POLR3B: variants seen among roughly 807,000 people sequenced by gnomAD.
POLR3B encodes RNA polymerase III subunit B.
Under a neutral mutation model 147.4 loss-of-function variants are expected in POLR3B, and 96 were observed. The ratio of observed to expected loss-of-function variants is 0.65; its 90% confidence interval spans 0.55 to 0.77. The LOEUF (loss-of-function observed/expected upper bound fraction) is 0.77, where lower values mean the gene tolerates loss of function less well. Among genes scored for constraint, POLR3B ranks in the 30% least tolerant of loss-of-function variants. The pLI is 0.00. For synonymous variants in POLR3B, 461 were observed against 485.9 expected, an observed-to-expected ratio of 0.95 and a Z score of 0.67; for missense variants, 1,036 against 1,413.5, an observed-to-expected ratio of 0.73 and a Z score of 4.28.
chr12:106,460,585 G>A (rs925011160), intron 22 of POLR3B, among the ~76,000 whole-genome samples: 12 of 152,302 alleles, frequency 7.9e-5, no homozygotes, highest in African/African-American at 2.9e-4. Context: ...CTGCTTAGGG[G>A]ATGGGTCCAG....
At position 106,357,748 on chromosome 12, in the gene POLR3B, G is replaced by A; in HGVS notation, c.-132G>A. Reference sequence around the variant, plus strand: ...GGAGCGGGCGGAACCTTTCTACCGCGTCTCTAGCTAACACGCACGGCGGGG... The same window carrying A: ...GGAGCGGGCGGAACCTTTCTACCGCATCTCTAGCTAACACGCACGGCGGGG... On this transcript the variant is annotated 5_prime_UTR_variant, in exon 1 of 28. Coordinates refer to ENST00000228347, the MANE Select transcript of POLR3B (RefSeq NM_018082.6). The A allele has an allele frequency of 2.2e-6, 2 of 917,480 alleles. No individual in the cohort carries two copies. Among genetic ancestry groups the A allele is most frequent in the Non-Finnish European group, 3.5e-6 (2 of 576,770 alleles). The allele number at this position is 917,480 out of a possible 1,614,324, so 56.8% of individuals were successfully genotyped here.
intron 12 of POLR3B, among the ~76,000 whole-genome samples, chr12:106,424,143 C>G (rs1325295817): frequency 6.6e-6 from 1 of 151,876 alleles, no homozygotes; most frequent in Non-Finnish European, 1.5e-5. Flanking sequence ...CGTGAGCCAC[C>G]GAGCCCAGCC....
At chr12:106,398,296 C>A (rs2037010018) in intron 10 of POLR3B, among the ~76,000 whole-genome samples, 1 of 152,224 alleles carries the variant, frequency 6.6e-6, no homozygotes, top group Admixed American at 6.5e-5. Context: ...GGGGCGCCCA[C>A]CATTGCCGAG....
chr12:106,358,352 A>ATCAG, intron 1 of POLR3B: 1 of 666,128 alleles, frequency 1.5e-6, no homozygotes, highest in Non-Finnish European at 2.0e-6. Flanking sequence ...CTGTGGGGGT[A>ATCAG]AAACCAGATC....
At chr12:106,439,917 A>G (rs2037626809) in intron 18 of POLR3B, among the ~76,000 whole-genome samples, 2 of 151,744 alleles carry the variant, frequency 1.3e-5, no homozygotes, top group Admixed American at 6.6e-5. Flanking sequence ...AAGTTAGCCA[A>G]GTGTTGTGGT....
intron 6 of POLR3B, among the ~76,000 whole-genome samples, chr12:106,372,333 G>GTTTTTT (rs61642813): frequency 4.0e-5 from 5 of 125,976 alleles, no homozygotes; most frequent in Non-Finnish European, 8.4e-5. Context: ...GTGTGTGTGT[G>GTTTTTT]TTTTTTTTTT....
chr12:106,409,922 T>C (rs1593025376), intron 11 of POLR3B, among the ~76,000 whole-genome samples: 1 of 152,294 alleles, frequency 6.6e-6, no homozygotes, highest in Admixed American at 6.5e-5. Flanking sequence ...AACAAACCAG[T>C]GCAATTATTT....
In POLR3B at chr12:106,396,936, T is replaced by TTTG. The variant is rs201704192; in HGVS notation, c.846+3806_846+3808dup. Reference sequence around the variant, plus strand: ...GTGAGACCCTGTTTCTACCAAAGGTTTTGTTGTTGTTGTTGTTGTTGTTGT... The same window carrying TTTG: ...GTGAGACCCTGTTTCTACCAAAGGTTTTGTTGTTGTTGTTGTTGTTGTTGTTGT... On this transcript the variant is annotated intron_variant, in intron 10 of 27. Transcript: ENST00000228347. Among the ~76,000 whole-genome samples, 367 of 151,396 alleles carry TTTG rather than the reference T, an allele frequency of 2.4e-3. 2 individuals carry two copies. The highest frequency in any genetic ancestry group is 1.7e-3 in the African/African-American group (71 of 41,304).
intron 10 of POLR3B, among the ~76,000 whole-genome samples, chr12:106,400,232 A>G (rs2136924882): frequency 6.6e-6 from 1 of 152,324 alleles, no homozygotes; most frequent in South Asian, 2.1e-4. Context: ...CAAAAGAGAC[A>G]AAGAAGGCCA....
chr12:106,358,150 G>A (rs2036415774), intron 1 of POLR3B, 199 bp downstream of exon 1: 9 of 1,453,922 alleles, frequency 6.2e-6, no homozygotes, highest in South Asian at 1.4e-5. Flanking sequence ...GCTGATCCCA[G>A]AGGAGCTGTC....
rs144327748 is a variant in POLR3B, at chr12:106,423,926, G to A, written c.1102-3271G>A. On this transcript the variant is annotated intron_variant, in intron 12 of 27. Transcript: ENST00000228347. ...GGCTAGAGTGCAGTGGCACAATCTC[G>A]GCTCATTGCAGCCTCCGCCTCCCGG... Among the ~76,000 whole-genome samples, 567 of 151,372 alleles carry A rather than the reference G, an allele frequency of 3.7e-3. 1 individual carries two copies. Among genetic ancestry groups the A allele is most frequent in the Non-Finnish European group, 6.5e-3 (439 of 67,864 alleles).
intron 10 of POLR3B, among the ~76,000 whole-genome samples, chr12:106,394,839 G>T (rs147818499): frequency 6.6e-6 from 1 of 152,208 alleles, no homozygotes; most frequent in Admixed American, 6.5e-5. Context: ...TACTCTGTGT[G>T]CAGGATTAAG....
chr12:106,358,115 C>T (rs2036414642), intron 1 of POLR3B, 164 bp downstream of exon 1: 14 of 1,493,494 alleles, frequency 9.4e-6, no homozygotes, highest in East Asian at 2.5e-5. Flanking sequence ...TTTTCCAGAG[C>T]CGGCCTCCGC....
At chr12:106,404,748 G>C (rs137995891) in intron 10 of POLR3B, among the ~76,000 whole-genome samples, 17 of 151,950 alleles carry the variant, frequency 1.1e-4, no homozygotes, top group African/African-American at 4.1e-4. Flanking sequence ...AACTTAGGAG[G>C]ATTTTTTTAT....
chr12:106,378,651 T>A lies in POLR3B; in HGVS notation c.614+267T>A, dbSNP rs201219793. Among the ~76,000 whole-genome samples, 34 of 149,304 alleles carry A rather than the reference T, an allele frequency of 2.3e-4. No individual in the cohort carries two copies. In the East Asian group the frequency reaches 3.8e-3, roughly 17 times the overall value. On this transcript the variant is annotated intron_variant, in intron 8 of 27. Transcript: ENST00000228347. The stretch of plus-strand genomic sequence containing the variant: ...AGCTTATAGAGCATGAAAGGAGATT[T>A]AAAAAAAAAAAAATAAAACCACTCT...
intron 19 of POLR3B, among the ~76,000 whole-genome samples, chr12:106,448,921 A>AT (rs1274119766): frequency 6.6e-6 from 1 of 151,794 alleles, no homozygotes; most frequent in Admixed American, 6.6e-5. Context: ...TTCTTTTCTC[A>AT]TTTTTTTCCT....
chr12:106,379,798 G>C (rs1340813197), intron 8 of POLR3B, among the ~76,000 whole-genome samples: 3 of 152,170 alleles, frequency 2.0e-5, no homozygotes, highest in African/African-American at 7.2e-5. Flanking sequence ...TTCACACACA[G>C]AACTTCCATC....
chr12:106,358,260 G>C, intron 1 of POLR3B: 1 of 1,331,088 alleles, frequency 7.5e-7, no homozygotes, highest in East Asian at 3.3e-5. Context: ...ACTTACTGTG[G>C]GGGACGTATT....
intron 11 of POLR3B, among the ~76,000 whole-genome samples, chr12:106,407,980 T>C (rs2037172297): frequency 6.6e-6 from 1 of 152,234 alleles, no homozygotes; most frequent in African/African-American, 2.4e-5. Context: ...TTTTGGACAG[T>C]ATTTACCTAA....
Sources: gnomAD v4.1 joint callset for allele counts (sites outside exome capture counted in the v4.1 genomes callset) on GRCh38, gnomAD v4.1.1 for gene constraint, MANE v1.5 for transcripts, NCBI Gene and HGNC (gene_info 2026-07-23, HGNC 2026-07-21) for gene names.